GPHN: variants seen among roughly 807,000 people sequenced by gnomAD.
GPHN encodes the protein gephyrin.
In GPHN, 17 loss-of-function variants were observed where a neutral mutation model predicts 95.5. The ratio of observed to expected loss-of-function variants is 0.18; its 90% CI spans 0.12 to 0.27. The LOEUF is 0.27. Ranked by LOEUF, GPHN falls within the 10% of genes least tolerant of loss-of-function variation. The probability of loss-of-function intolerance (pLI) is 1.00; values close to 1 mark genes in which losing one functional copy is unlikely to be tolerated. For synonymous variants in GPHN, 320 were observed against 322.5 expected, an observed-to-expected ratio of 0.99 and a Z score of 0.08; for missense variants, 660 against 978.1, an observed-to-expected ratio of 0.67 and a Z score of 4.34.
rs57643224 is a variant in GPHN, at chr14:67,101,849, ATTATTTATTTAT to A, written c.1293+965_1293+976del. ...AATAACATATATCATTGGTTTATGTATTATTTATTTATTTATTTATTTATTTATTTATTTATT... is the reference window on the plus strand; with the variant it reads ...AATAACATATATCATTGGTTTATGTATTATTTATTTATTTATTTATTTATT... On this transcript the variant is annotated intron_variant, in intron 13 of 22. Coordinates refer to ENST00000478722, the MANE Select transcript of GPHN (RefSeq NM_020806.5). 1.9e-3 allele frequency among the ~76,000 whole-genome samples: 273 copies of A among 145,568 alleles called. 3 individuals carry two copies. Among genetic ancestry groups the A allele is most frequent in the Admixed American group, 4.7e-3 (68 of 14,564 alleles).
At chr14:67,210,183 G>A in the GPHN span, among the ~76,000 whole-genome samples, 10 of 152,218 alleles carry the variant, frequency 6.6e-5, no homozygotes, top group South Asian at 1.7e-3. Flanking sequence ...TGGAAAACCT[G>A]TAAGTAATCC....
chr14:66,518,530 G>A (rs1230341130), intron 1 of GPHN, among the ~76,000 whole-genome samples: 2 of 152,038 alleles, frequency 1.3e-5, no homozygotes, highest in East Asian at 1.9e-4. Context: ...GAAGAGACAC[G>A]TGTACCATAT....
the GPHN span, among the ~76,000 whole-genome samples, chr14:67,401,303 A>G: frequency 6.6e-6 from 1 of 152,092 alleles, no homozygotes; most frequent in Non-Finnish European, 1.5e-5. Context: ...CCTCAGCAAC[A>G]TAGGAAGACC....
intron 7 of GPHN, among the ~76,000 whole-genome samples, chr14:66,923,154 T>C (rs2066305771): frequency 6.6e-6 from 1 of 152,214 alleles, no homozygotes; most frequent in African/African-American, 2.4e-5. Context: ...GAGGCATTAC[T>C]GATGAGCTGT....
chr14:67,437,485 G>A, the GPHN span, among the ~76,000 whole-genome samples: 6 of 152,198 alleles, frequency 3.9e-5, no homozygotes, highest in Admixed American at 2.0e-4. Context: ...CTAATGGGAA[G>A]TGATTGGAGG....
At chr14:67,231,080 C>T in the GPHN span, among the ~76,000 whole-genome samples, 1,654 of 152,122 alleles carry the variant, frequency 0.011, 29 homozygotes, top group African/African-American at 0.037. Context: ...TCAGGCATCA[C>T]GAGGGATCTT....
At chr14:67,537,675 GA>G in the GPHN span, among the ~76,000 whole-genome samples, 13 of 151,514 alleles carry the variant, frequency 8.6e-5, no homozygotes, top group African/African-American at 2.9e-4. Context: ...AAAAGAAAAA[GA>G]AAAAAAAGTA....
chr14:66,662,456 GA>G (rs35429185), intron 1 of GPHN, among the ~76,000 whole-genome samples: 93 of 144,060 alleles, frequency 6.5e-4, no homozygotes, highest in South Asian at 4.8e-3. Context: ...CTGTAAAAAG[GA>G]AAAAAAAAAA....
At chr14:67,336,840 A>G in the GPHN span, 1 of 447,560 alleles carries the variant, frequency 2.2e-6, no homozygotes, top group East Asian at 7.0e-5. Context: ...TGAACCTAAG[A>G]TTTTATTCTG....
chr14:67,083,684 A>G (rs1246380369), intron 11 of GPHN, among the ~76,000 whole-genome samples: 1 of 152,206 alleles, frequency 6.6e-6, no homozygotes, highest in Non-Finnish European at 1.5e-5. Flanking sequence ...ACTATCTTGA[A>G]TGAAGTCTTG....
intron 9 of GPHN, chr14:66,969,181 C>T (rs1167494761): frequency 6.6e-6 from 1 of 151,972 alleles, no homozygotes; most frequent in Non-Finnish European, 1.5e-5. Flanking sequence ...CATATATTTT[C>T]TTTTAATGAA....
chr14:67,068,520 G>A (rs1034629121), intron 11 of GPHN, among the ~76,000 whole-genome samples: 1 of 152,214 alleles, frequency 6.6e-6, no homozygotes, highest in East Asian at 1.9e-4. Context: ...ACTTCTGTAA[G>A]GCAGATTAAA....
chr14:67,412,361 C>A, the GPHN span, among the ~76,000 whole-genome samples: 1 of 152,366 alleles, frequency 6.6e-6, no homozygotes, highest in African/African-American at 2.4e-5. Flanking sequence ...CTCACTGTTC[C>A]AGTCTCTCTG....
At chr14:67,508,026 T>C in the GPHN span, among the ~76,000 whole-genome samples, 2 of 151,782 alleles carry the variant, frequency 1.3e-5, no homozygotes, top group Non-Finnish European at 2.9e-5. Flanking sequence ...TAATCCCAGC[T>C]ACTCGGGAGG....
At chr14:67,161,586 C>A (rs2081985029) in intron 19 of GPHN, among the ~76,000 whole-genome samples, 1 of 152,016 alleles carries the variant, frequency 6.6e-6, no homozygotes, top group Non-Finnish European at 1.5e-5. Context: ...CATGGCAAAA[C>A]CCCGTCTCTA....
chr14:67,488,504 T>C, the GPHN span: 1 of 152,394 alleles, frequency 6.6e-6, no homozygotes, highest in Admixed American at 6.5e-5. Flanking sequence ...TCTGTCCATC[T>C]TACCGGCTTC....
At chr14:67,523,967 C>T in the GPHN span, among the ~76,000 whole-genome samples, 1 of 152,102 alleles carries the variant, frequency 6.6e-6, no homozygotes, top group South Asian at 2.1e-4. Flanking sequence ...TCCAGTGACA[C>T]AAAGCAAGAA....
the GPHN span, among the ~76,000 whole-genome samples, chr14:67,478,299 C>T: frequency 6.6e-6 from 1 of 152,228 alleles, no homozygotes; most frequent in South Asian, 2.1e-4. Context: ...ACCATCATCC[C>T]ACTGGCCAAG....
At chr14:67,314,997 A>G in the GPHN span, among the ~76,000 whole-genome samples, 1 of 152,102 alleles carries the variant, frequency 6.6e-6, no homozygotes, top group Non-Finnish European at 1.5e-5. Flanking sequence ...AGTCCCAGCT[A>G]TTCAGGAGGC....
Sources: allele counts gnomAD v4.1 joint callset (sites outside exome capture counted in the v4.1 genomes callset), GRCh38; gene constraint gnomAD v4.1.1; transcripts MANE v1.5; gene names NCBI Gene and HGNC (gene_info 2026-07-23, HGNC 2026-07-21).